The following CBLB variants were observed in gnomAD, a reference collection of about 807,000 sequenced individuals.
CBLB encodes the protein Cbl proto-oncogene B.
CBLB carries 31 observed loss-of-function variants against 104.9 expected under a neutral mutation model. The observed-to-expected ratio is 0.30, with a 90% CI of 0.22 to 0.40. The LOEUF (loss-of-function observed/expected upper bound fraction) is 0.40. Among genes scored for constraint, CBLB ranks in the 10% least tolerant of loss-of-function variants. The pLI, the probability that CBLB is intolerant of heterozygous loss-of-function variation, is 1.00. For missense variants in CBLB, 1,062 were observed against 1,214.6 expected, an observed-to-expected ratio of 0.87 and a Z score of 1.87; for synonymous variants, 440 against 422.6, an observed-to-expected ratio of 1.04 and a Z score of -0.51.
intron 3 of CBLB, among the ~76,000 whole-genome samples, chr3:105,833,878 A>C (rs1353582179): frequency 6.6e-6 from 1 of 152,084 alleles, no homozygotes; most frequent in East Asian, 1.9e-4. Flanking sequence ...GGGAATTAGA[A>C]CCTGATAATT....
chr3:105,693,415 C>CT (rs2067963177), intron 13 of CBLB, 79 bp downstream of exon 13: 3 of 795,868 alleles, frequency 3.8e-6, no homozygotes, highest in Non-Finnish European at 6.4e-6. Context: ...CATGTAGTGT[C>CT]TGTACTGAGA....
At chr3:105,668,298 C>A (rs999688360) in intron 18 of CBLB, among the ~76,000 whole-genome samples, 4 of 152,108 alleles carry the variant, frequency 2.6e-5, no homozygotes, top group African/African-American at 9.7e-5. Flanking sequence ...GGGATTCATA[C>A]TGCTTGAAAT....
intron 10 of CBLB, among the ~76,000 whole-genome samples, chr3:105,718,984 C>G (rs2072357464): frequency 6.6e-6 from 1 of 152,116 alleles, no homozygotes; most frequent in South Asian, 2.1e-4. Context: ...CTGTTGTGTA[C>G]CTGGTTATAT....
intron 3 of CBLB, among the ~76,000 whole-genome samples, chr3:105,806,487 A>AAAAC (rs938384398): frequency 1.3e-5 from 2 of 151,534 alleles, no homozygotes; most frequent in Non-Finnish European, 2.9e-5. Flanking sequence ...CTCAAAAAAA[A>AAAAC]AAAAAAAACA....
intron 18 of CBLB, among the ~76,000 whole-genome samples, chr3:105,665,416 AATATATAT>A (rs71111381): frequency 1.0e-5 from 1 of 98,676 alleles, no homozygotes; most frequent in African/African-American, 4.6e-5. Context: ...TAAATAAATA[AATATATAT>A]ATATATATAT....
chr3:105,860,830 GT>G (rs1228089817), intron 2 of CBLB, among the ~76,000 whole-genome samples: 16 of 152,142 alleles, frequency 1.1e-4, no homozygotes, highest in Non-Finnish European at 2.4e-4. Flanking sequence ...GGAATGTTCT[GT>G]GCAGAAAAGC....
chr3:105,740,750 C>T, intron 6 of CBLB, 119 bp from the exon 7 acceptor site: 1 of 851,820 alleles, frequency 1.2e-6, no homozygotes, highest in Admixed American at 2.0e-5. Flanking sequence ...CTGAATACTC[C>T]TCATATTCTG....
intron 3 of CBLB, among the ~76,000 whole-genome samples, chr3:105,799,137 C>T (rs189904372): frequency 1.3e-3 from 128 of 98,044 alleles, no homozygotes; most frequent in Non-Finnish European, 8.7e-4. Context: ...TAATGAATAG[C>T]AGTGAGAGAA....
chr3:105,785,597 CCTT>C (rs1356941994), intron 3 of CBLB, among the ~76,000 whole-genome samples: 1 of 152,138 alleles, frequency 6.6e-6, no homozygotes, highest in African/African-American at 2.4e-5. Context: ...ACAGTTCCTT[CCTT>C]CTTCTGGCTC....
At position 105,728,863 on chromosome 3, in the gene CBLB, T is replaced by C. The variant is rs562249668; in HGVS notation, c.1203+5146A>G. Among the ~76,000 whole-genome samples the C allele has an allele frequency of 7.9e-5, 12 of 152,156 alleles. No individual in the cohort carries two copies. In the East Asian group the frequency reaches 1.3e-3, roughly 17 times the overall value. On this transcript the variant is annotated intron_variant, in intron 9 of 18. Transcript: ENST00000394030. ...GGCCATTATGACAGCAATTAAAGAG[T>C]AACCACTTGCAGCCTATAACTACTG...
intron 3 of CBLB, among the ~76,000 whole-genome samples, chr3:105,847,425 CA>C (rs2090401695): frequency 6.6e-6 from 1 of 151,250 alleles, no homozygotes; most frequent in East Asian, 1.9e-4. Flanking sequence ...CACACACACA[CA>C]CACCCCATTT....
Position 105,853,535 on chromosome 3 carries a change from G to C in CBLB, c.298C>G (p.Gln100Glu). 2 of 1,613,556 alleles carry C rather than the reference G, an allele frequency of 1.2e-6. No individual in the cohort carries two copies. Among genetic ancestry groups the C allele is most frequent in the South Asian group, 2.2e-5 (2 of 91,046 alleles). ...TTAAAGTACTCATTCTCACTGAGTTGGGCAAGTTTCTGGTTGTCATCATAT... is the reference window on the plus strand; with the variant it reads ...TTAAAGTACTCATTCTCACTGAGTTCGGCAAGTTTCTGGTTGTCATCATAT... ...SKYDDNQKLA[Q>E]LSENEYFKIY... The change falls in exon 3 of 19, where the codon CAA (glutamine) becomes GAA (glutamate). Residue 100 changes from glutamine (Q) to glutamate (E), a missense_variant. Gln to Glu is a conservative substitution (Grantham distance 29, BLOSUM62 2). Coordinates refer to ENST00000394030, the MANE Select transcript of CBLB (RefSeq NM_170662.5).
chr3:105,750,321 C>A (rs2076485238), intron 5 of CBLB, among the ~76,000 whole-genome samples: 1 of 151,946 alleles, frequency 6.6e-6, no homozygotes, highest in African/African-American at 2.4e-5. Context: ...TTACAAAAAC[C>A]AGTCATCCAA....
intron 13 of CBLB, among the ~76,000 whole-genome samples, chr3:105,690,778 C>T (rs1023428644): frequency 2.7e-5 from 4 of 150,142 alleles, no homozygotes; most frequent in South Asian, 4.2e-4. Context: ...GCCGAGATCG[C>T]GCCACTGCAC....
At chr3:105,827,555 T>G (rs1361019086) in intron 3 of CBLB, among the ~76,000 whole-genome samples, 1 of 151,994 alleles carries the variant, frequency 6.6e-6, no homozygotes, top group Non-Finnish European at 1.5e-5. Context: ...GTCCTTAAAC[T>G]CCCATGGACT....
At chr3:105,702,501 T>TAAAAAAAAAAAAAA (rs1553727160) in intron 11 of CBLB, 42 bp from the exon 12 acceptor site, 1 of 903,572 alleles carries the variant, frequency 1.1e-6, no homozygotes, top group Non-Finnish European at 1.5e-6. Flanking sequence ...AAAAAAAAAC[T>TAAAAAAAAAAAAAA]AAAGGTTGTA....
intron 18 of CBLB, among the ~76,000 whole-genome samples, chr3:105,660,926 AT>A (rs1294828223): frequency 1.3e-5 from 2 of 151,938 alleles, no homozygotes; most frequent in African/African-American, 4.8e-5. Flanking sequence ...AGCCTCTAGG[AT>A]AAAAGCATTT....
rs2072019942 is a variant in CBLB, at chr3:105,717,171, A to G, written c.1407+2876T>C. ...ACTGTTTTCTCCCAAGCAGTAAGGT[A>G]TACAAAAATTCTTTTTAAAATTTCT... On this transcript the variant is annotated intron_variant, in intron 10 of 18. Coordinates refer to ENST00000394030, the MANE Select transcript of CBLB (RefSeq NM_170662.5). 5.3e-5 allele frequency among the ~76,000 whole-genome samples: 8 copies of G among 152,296 alleles called. No homozygotes were observed. In the South Asian group the frequency reaches 1.7e-3, roughly 32 times the overall value.
chr3:105,855,448 G>A (rs2091480185), intron 2 of CBLB, among the ~76,000 whole-genome samples: 1 of 152,116 alleles, frequency 6.6e-6, no homozygotes, highest in Admixed American at 6.5e-5. Flanking sequence ...TGAAGGATAT[G>A]TTAATTTATT....
Sources: allele counts gnomAD v4.1 joint callset (sites outside exome capture counted in the v4.1 genomes callset), GRCh38; gene constraint gnomAD v4.1.1; transcripts MANE v1.5; gene names NCBI Gene and HGNC (gene_info 2026-07-23, HGNC 2026-07-21).